The following KRT25 variants were observed in gnomAD, a reference collection of about 807,000 sequenced individuals.
The protein encoded by KRT25 is keratin 25.
Under a neutral mutation model 47.6 loss-of-function variants are expected in KRT25, and 37 were observed. The observed-to-expected ratio is 0.78, with a 90% CI of 0.60 to 1.02. The LOEUF is 1.02. Among genes scored for constraint, KRT25 ranks in the 50% least tolerant of loss-of-function variants. KRT25 has a pLI of 0.00. For missense variants in KRT25, 542 were observed against 550.3 expected (o/e 0.98, Z 0.15); for synonymous variants, 203 against 210.2 (o/e 0.97, Z 0.30).
intron 7 of KRT25, 132 bp from the exon 8 acceptor site, chr17:40,748,518 G>T: frequency 1.8e-6 from 1 of 568,610 alleles, no homozygotes. Context: ...ACTCATTTTT[G>T]GTGAATAATT....
rs753482358 is a variant in KRT25, at chr17:40,754,826, G to A, written c.429+17C>T. On this transcript the variant is annotated intron_variant, in intron 1 of 7. Transcript: ENST00000312150. ...AATAAAGGTACATGAAAATGATTGT[G>A]CAGTATGATTTCTTACCTGATTTTT... The A allele has an allele frequency of 5.7e-6, 9 of 1,579,178 alleles. No homozygotes were observed. The highest frequency in any genetic ancestry group is 2.3e-5 in the South Asian group (2 of 86,742).
chr17:40,752,008 C>T (rs1354736599), intron 3 of KRT25, among the ~76,000 whole-genome samples: 3 of 151,948 alleles, frequency 2.0e-5, no homozygotes, highest in Non-Finnish European at 2.9e-5. Context: ...TTTGGAGTCA[C>T]GCAGATCTCT....
In KRT25 at chr17:40,753,946, C is replaced by G. The variant is rs150359949; in HGVS notation, c.583G>C (p.Glu195Gln). Reference protein sequence around the residue: ...DVNGLRRVLDEITLCRTDLEI... With the variant: ...DVNGLRRVLDQITLCRTDLEI... The stretch of plus-strand genomic sequence containing the variant: ...AGATCTGTTCTGCACAGGGTTATTT[C>G]ATCCAAAACTCTTCGTAACCCATTG... The change falls in exon 3 of 8, where the codon GAA (glutamate) becomes CAA (glutamine). Residue 195 changes from glutamate (E) to glutamine (Q), a missense_variant. By Grantham distance (29) the Glu-to-Gln change is conservative. Coordinates refer to ENST00000312150, the MANE Select transcript of KRT25 (RefSeq NM_181534.4). The G allele has an allele frequency of 7.4e-6, 12 of 1,613,840 alleles. No individual in the cohort carries two copies. In the African/African-American group the frequency reaches 1.6e-4, roughly 22 times the overall value.
In KRT25 at chr17:40,750,551, C is replaced by G. The variant is rs777692095; in HGVS notation, c.1004G>C (p.Cys335Ser). ...AGCCTGGATCTGCGCCAGCTGCGCA[C>G]AGTAGTTGCTCTCGGTCTCTGTCAA... is the stretch of plus-strand genomic sequence containing the variant. ...CSLTETESNY[C>S]AQLAQIQAQI... The change falls in exon 6 of 8, where the codon TGT (cysteine) becomes TCT (serine). Residue 335 changes from cysteine (C) to serine (S), a missense_variant. Transcript: ENST00000312150. 12 of 1,614,108 alleles carry G rather than the reference C, an allele frequency of 7.4e-6. No homozygotes were observed. The Admixed American group carries it at 2.0e-4, about 27-fold the overall frequency.
chr17:40,750,868 A>G, intron 5 of KRT25, 86 bp downstream of exon 5: 1 of 1,474,248 alleles, frequency 6.8e-7, no homozygotes, highest in South Asian at 1.3e-5. Flanking sequence ...AATATATTTC[A>G]ATATTGTTAA....
At chr17:40,750,235 TTGAG>T in intron 6 of KRT25, 141 bp downstream of exon 6, 1 of 775,418 alleles carries the variant, frequency 1.3e-6, no homozygotes, top group African/African-American at 1.8e-5. Flanking sequence ...ATTTTGGCAG[TTGAG>T]TATGTATTAT....
intron 7 of KRT25, 43 bp from the exon 8 acceptor site, chr17:40,748,429 A>G (rs1386351078): frequency 3.1e-6 from 4 of 1,270,864 alleles, no homozygotes; most frequent in Non-Finnish European, 3.3e-6. Context: ...TAGTTAAAAA[A>G]AGAATAAAAA....
intron 5 of KRT25, 47 bp from the exon 6 acceptor site, chr17:40,750,644 C>T: frequency 6.2e-7 from 1 of 1,605,700 alleles, no homozygotes; most frequent in Non-Finnish European, 8.5e-7. Flanking sequence ...TGCAGATATG[C>T]AGGGATTTCT....
rs16966206 is a variant in KRT25 at position 40,750,281 on chromosome 17, C to T, written c.1175+99G>A. On this transcript the variant is annotated intron_variant, in intron 6 of 7. Transcript: ENST00000312150. ...TATTTAGTATTCATGATAATAAATG[C>T]ATGCAGCCAAATTATGTCCGCTTTC... The T allele has an allele frequency of 4.9e-4, 571 of 1,165,608 alleles. 14 individuals carry two copies. In the East Asian group the frequency reaches 8.9e-3, roughly 18 times the overall value. 72.2% of individuals were successfully genotyped at this position (1,165,608 alleles called of 1,614,324 possible). A position where few individuals can be genotyped will look rare whatever the true frequency, so the allele number is the denominator to read the frequency against.
chr17:40,751,337 A>G lies in KRT25; in HGVS notation c.670-11T>C. 1.2e-6 allele frequency: 2 copies of G among 1,604,330 alleles called. No homozygotes were observed. The highest frequency in any genetic ancestry group is 1.7e-4 in the Middle Eastern group (1 of 6,008). ...CAGAACTTGCATTTCCTAGAGGCAG[A>G]AAAGTGTTCTGCTCAGCTCTGCAGG... On this transcript the variant is annotated splice_polypyrimidine_tract_variant and intron_variant, in intron 3 of 7. Coordinates refer to ENST00000312150, the MANE Select transcript of KRT25 (RefSeq NM_181534.4).
At position 40,754,830 on chromosome 17, in the gene KRT25, T is replaced by C; in HGVS notation, c.429+13A>G. Reference sequence around the variant, plus strand: ...AAGGTACATGAAAATGATTGTGCAGTATGATTTCTTACCTGATTTTTAAGG... The same window carrying C: ...AAGGTACATGAAAATGATTGTGCAGCATGATTTCTTACCTGATTTTTAAGG... On this transcript the variant is annotated intron_variant, in intron 1 of 7. Transcript: ENST00000312150. 6.3e-7 allele frequency: 1 copy of C among 1,593,856 alleles called. No individual in the cohort carries two copies. Among genetic ancestry groups the C allele is most frequent in the South Asian group, 1.1e-5 (1 of 88,314 alleles).
In KRT25 at chr17:40,754,828, A is replaced by T. The variant is rs1334640645; in HGVS notation, c.429+15T>A. Reference sequence around the variant, plus strand: ...TAAAGGTACATGAAAATGATTGTGCAGTATGATTTCTTACCTGATTTTTAA... The same window carrying T: ...TAAAGGTACATGAAAATGATTGTGCTGTATGATTTCTTACCTGATTTTTAA... On this transcript the variant is annotated intron_variant, in intron 1 of 7. Transcript: ENST00000312150. 2.5e-6 allele frequency: 4 copies of T among 1,583,522 alleles called. No homozygotes were observed. In the African/African-American group the frequency reaches 5.4e-5, roughly 21 times the overall value.
Position 40,748,043 on chromosome 17 carries a change from A to G in KRT25, c.*234T>C. The G allele has an allele frequency of 2.8e-6, 1 of 355,970 alleles. No homozygotes were observed. Among genetic ancestry groups the G allele is most frequent in the Non-Finnish European group, 5.0e-6 (1 of 200,138 alleles). The allele number at this position is 355,970 out of a possible 1,614,324, so 22.1% of individuals were successfully genotyped here. On this transcript the variant is annotated 3_prime_UTR_variant, in exon 8 of 8. Coordinates refer to ENST00000312150, the MANE Select transcript of KRT25 (RefSeq NM_181534.4). ...TGATAACTTGCTAAAGAAGAGGTTTATTGAATACAAAGAATTGACAACAGA... is the reference window on the plus strand; with the variant it reads ...TGATAACTTGCTAAAGAAGAGGTTTGTTGAATACAAAGAATTGACAACAGA...
intron 7 of KRT25, 56 bp downstream of exon 7, chr17:40,749,202 A>C (rs2038023723): frequency 2.2e-6 from 3 of 1,369,200 alleles, no homozygotes; most frequent in Non-Finnish European, 3.1e-6. Flanking sequence ...CCAAACCTAA[A>C]TTAAAAGTTA....
intron 1 of KRT25, 27 bp from the exon 2 acceptor site, chr17:40,754,495 A>G (rs1279637074): frequency 6.3e-7 from 1 of 1,580,818 alleles, no homozygotes; most frequent in Non-Finnish European, 8.7e-7. Flanking sequence ...GACTTTTATC[A>G]TGAAGTAAAC....
rs775767791 is a variant in KRT25, at chr17:40,754,862, A to G, written c.410T>C (p.Ile137Thr). The G allele has an allele frequency of 6.2e-7, 1 of 1,612,420 alleles. No individual in the cohort carries two copies. The highest frequency in any genetic ancestry group is 8.5e-7 in the Non-Finnish European group (1 of 1,179,008). ...DHDYSRYFPIIDDLKNQIIAS... is the reference protein window; with the variant it reads ...DHDYSRYFPITDDLKNQIIAS... ...TCTTACCTGATTTTTAAGGTCATCA[A>G]TTATTGGGAAATATCTGCTATAGTC... Residue 137 changes from isoleucine (I) to threonine (T), a missense_variant, in exon 1 of 8, where the codon ATT becomes ACT. Physicochemically the swap from Ile to Thr is moderately conservative, Grantham distance 89. Transcript: ENST00000312150.
chr17:40,754,162 T>C (rs2038082163), intron 2 of KRT25, 146 bp from the exon 3 acceptor site: 1 of 861,054 alleles, frequency 1.2e-6, no homozygotes, highest in Non-Finnish European at 1.8e-6. Context: ...TAATAATTAT[T>C]GTTTCTACTT....
chr17:40,755,259 G>C lies in KRT25; in HGVS notation c.13C>G (p.Leu5Val). MSLR[L>V]SSASRRSCPR... ...CAGGACCTCCTGGATGCACTGGAAA[G>C]TCGAAGAGACATGGTATCAGGGCAA... Residue 5 changes from leucine (L) to valine (V), a missense_variant, in exon 1 of 8, where the codon CTT (leucine) becomes GTT (valine). Transcript: ENST00000312150. 1 of 1,613,418 alleles carries C rather than the reference G, an allele frequency of 6.2e-7. No homozygotes were observed. Among genetic ancestry groups the C allele is most frequent in the Non-Finnish European group, 8.5e-7 (1 of 1,179,750 alleles).
At chr17:40,754,100 T>G in intron 2 of KRT25, 84 bp from the exon 3 acceptor site, 1 of 1,343,072 alleles carries the variant, frequency 7.4e-7, no homozygotes, top group East Asian at 2.3e-5. Flanking sequence ...AATGCTAGCA[T>G]TCTGGAATTT....
Sources: gnomAD v4.1 joint callset for allele counts (sites outside exome capture counted in the v4.1 genomes callset) on GRCh38, gnomAD v4.1.1 for gene constraint, MANE v1.5 for transcripts, NCBI Gene and HGNC (gene_info 2026-07-23, HGNC 2026-07-21) for gene names.